Variants in LCK observed in about 807,000 individuals in gnomAD.
The protein encoded by LCK is tyrosine-protein kinase Lck.
In LCK, 14 loss-of-function variants were observed where a neutral mutation model predicts 64.6. The observed-to-expected ratio is 0.22, with a 90% CI of 0.14 to 0.34. The LOEUF (loss-of-function observed/expected upper bound fraction) is 0.34, where lower values mean the gene tolerates loss of function less well. LCK is among the 10% of genes least tolerant of loss of function. LCK has a pLI of 1.00. For synonymous variants in LCK, 277 were observed against 263.6 expected (o/e 1.05, Z -0.49); for missense variants, 434 against 668.1 (o/e 0.65, Z 3.86).
chr1:32,263,154 A>G (rs1639823729), intron 1 of LCK, among the ~76,000 whole-genome samples: 4 of 151,598 alleles, frequency 2.6e-5, no homozygotes, highest in African/African-American at 9.7e-5. Flanking sequence ...CACTTTGGGA[A>G]GCGGAGGTGG....
intron 1 of LCK, among the ~76,000 whole-genome samples, chr1:32,257,022 T>G (rs1003607180): frequency 6.6e-6 from 1 of 152,128 alleles, no homozygotes; most frequent in Non-Finnish European, 1.5e-5. Flanking sequence ...TGATCAATCA[T>G]TTTAGCCTGA....
At chr1:32,258,102 G>C (rs1461824240) in intron 1 of LCK, among the ~76,000 whole-genome samples, 1 of 151,798 alleles carries the variant, frequency 6.6e-6, no homozygotes, top group Non-Finnish European at 1.5e-5. Context: ...GGGGAACATA[G>C]GCAGACCCCG....
At chr1:32,252,600 C>A (rs1276876546) in intron 1 of LCK, among the ~76,000 whole-genome samples, 1 of 152,092 alleles carries the variant, frequency 6.6e-6, no homozygotes, top group African/African-American at 2.4e-5. Context: ...GGTCATTCAC[C>A]CTGGACAGGC....
chr1:32,270,547 AC>A, intron 1 of LCK, among the ~76,000 whole-genome samples: 1 of 148,248 alleles, frequency 6.7e-6, no homozygotes, highest in Non-Finnish European at 1.5e-5. Flanking sequence ...GGCGTGTGCC[AC>A]CATGCCTGGC....
intron 1 of LCK, among the ~76,000 whole-genome samples, chr1:32,256,957 C>T (rs1238722860): frequency 6.6e-6 from 1 of 152,086 alleles, no homozygotes; most frequent in African/African-American, 2.4e-5. Context: ...GTACATATAT[C>T]AAACGTGAAA....
At position 32,275,773 on chromosome 1, in the gene LCK, G is replaced by A. The variant is rs1478759649; in HGVS notation, c.481+101G>A. The A allele has an allele frequency of 8.6e-6, 12 of 1,402,226 alleles. 1 individual carries two copies. The East Asian group carries it at 1.2e-4, about 14-fold the overall frequency. 86.9% of individuals were successfully genotyped at this position (1,402,226 alleles called of 1,614,324 possible). A position where few individuals can be genotyped will look rare whatever the true frequency, so the allele number is the denominator to read the frequency against. The stretch of plus-strand genomic sequence containing the variant: ...AGGTGGAGACACGGGGTGAGTCGGA[G>A]GGGGACGCGGGATGAGCCCGAGGTG... On this transcript the variant is annotated intron_variant, in intron 6 of 12. Transcript: ENST00000336890. This position sits in a 1 kb window ranked among gnomAD's most constrained non-coding sequence, Gnocchi z 6.9.
intron 1 of LCK, among the ~76,000 whole-genome samples, chr1:32,263,355 T>C (rs1639828557): frequency 6.6e-6 from 1 of 151,744 alleles, no homozygotes; most frequent in African/African-American, 2.4e-5. Flanking sequence ...ATTGTGCCAC[T>C]GCACTCCAGC....
intron 9 of LCK, among the ~76,000 whole-genome samples, chr1:32,278,225 A>C (rs1281746083): frequency 1.3e-5 from 2 of 152,178 alleles, no homozygotes; most frequent in Admixed American, 1.3e-4. Context: ...GTAACTGATC[A>C]ATAAGTTTGT....
At chr1:32,266,683 C>T (rs1355537828) in intron 1 of LCK, among the ~76,000 whole-genome samples, 1 of 74,498 alleles carries the variant, frequency 1.3e-5, no homozygotes. Flanking sequence ...TCCCCCTCCC[C>T]TTCCCCCTCC....
At chr1:32,267,698 C>T (rs1639960921) in intron 1 of LCK, among the ~76,000 whole-genome samples, 1 of 149,338 alleles carries the variant, frequency 6.7e-6, no homozygotes. Flanking sequence ...GAGATTGAGA[C>T]CAGCCTGACC....
At chr1:32,270,640 G>A (rs1222761982) in intron 1 of LCK, among the ~76,000 whole-genome samples, 2 of 141,860 alleles carry the variant, frequency 1.4e-5, no homozygotes, top group African/African-American at 5.3e-5. Context: ...TGATCCACCC[G>A]CCTCAGCCTC....
chr1:32,255,671 C>T (rs1639612387), intron 1 of LCK, among the ~76,000 whole-genome samples: 1 of 152,126 alleles, frequency 6.6e-6, no homozygotes, highest in Admixed American at 6.6e-5. Flanking sequence ...AATGAAGTGA[C>T]CCACCAGAGG....
At position 32,276,626 on chromosome 1, in the gene LCK, G is replaced by C; in HGVS notation, c.804G>C (p.Thr268=). The C allele has an allele frequency of 6.2e-7, 1 of 1,612,624 alleles. No homozygotes were observed. Among genetic ancestry groups the C allele is most frequent in the Non-Finnish European group, 8.5e-7 (1 of 1,179,200 alleles). Reference sequence around the variant, plus strand: ...ACCCAGGGTACTACAACGGGCACACGAAGGTGGCGGTGAAGAGCCTGAAGC... The same window carrying C: ...ACCCAGGGTACTACAACGGGCACACCAAGGTGGCGGTGAAGAGCCTGAAGC... ...EVWMGYYNGH[T]KVAVKSLKQG... The change falls in exon 9 of 13, where the codon ACG becomes ACC. Residue 268 remains threonine, a synonymous_variant. Transcript: ENST00000336890. This position sits in a 1 kb window ranked among gnomAD's most constrained non-coding sequence, Gnocchi z 4.6.
intron 1 of LCK, among the ~76,000 whole-genome samples, chr1:32,255,465 G>A (rs1397826777): frequency 2.0e-5 from 3 of 152,182 alleles, no homozygotes; most frequent in African/African-American, 7.2e-5. Context: ...ATGTCTTTCC[G>A]TGTCAATACA....
rs778915733 is a variant in LCK at position 32,275,399 on chromosome 1, G to C, written c.357G>C (p.Ala119=). ...TCCCCTTCAATTTTGTGGCCAAAGC[G>C]AACAGCCTGGAGCCCGAACCGTAAG... ...GFIPFNFVAK[A]NSLEPEPWFF... is the part of the protein sequence containing the mutation. Residue 119 remains alanine, a synonymous_variant, in exon 5 of 13, where the codon GCG becomes GCC. Transcript: ENST00000336890. This position sits in a 1 kb window ranked among gnomAD's most constrained non-coding sequence, Gnocchi z 6.9. 7.4e-6 allele frequency: 12 copies of C among 1,614,144 alleles called. No individual in the cohort carries two copies. The highest frequency in any genetic ancestry group is 9.3e-6 in the Non-Finnish European group (11 of 1,180,010).
chr1:32,283,963 C>A (rs1308505366), intron 12 of LCK, among the ~76,000 whole-genome samples: 10 of 152,050 alleles, frequency 6.6e-5, no homozygotes, highest in Non-Finnish European at 1.5e-4. Context: ...TCACTGCAAC[C>A]TCTACCTCCT....
At position 32,251,421 on chromosome 1, in the gene LCK, TAGC is replaced by T. The variant is rs1203208206; in HGVS notation, c.-6+53_-6+55del. 2.0e-5 allele frequency: 3 copies of T among 153,682 alleles called. No individual in the cohort carries two copies. Among genetic ancestry groups the T allele is most frequent in the African/African-American group, 7.2e-5 (3 of 41,494 alleles). 9.5% of individuals were successfully genotyped at this position (153,682 alleles called of 1,614,324 possible). A position where few individuals can be genotyped will look rare whatever the true frequency, so the allele number is the denominator to read the frequency against. On this transcript the variant is annotated intron_variant, in intron 1 of 12. Transcript: ENST00000336890. This position sits in a 1 kb window ranked among gnomAD's most constrained non-coding sequence, Gnocchi z 4.0. ...GCAGGCGCCGGGGTGAGAGGCCTGA[TAGC>T]AGACGGCTGCAGCTGTGCGGGCCCA... is the stretch of plus-strand genomic sequence containing the variant.
Position 32,276,539 on chromosome 1 carries a change from G to T in LCK, c.784+50G>T, listed in dbSNP as rs764375875. On this transcript the variant is annotated intron_variant, in intron 8 of 12. Coordinates refer to ENST00000336890, the MANE Select transcript of LCK (RefSeq NM_005356.5). This position sits in a 1 kb window ranked among gnomAD's most constrained non-coding sequence, Gnocchi z 4.6. Reference sequence around the variant, plus strand: ...TGGGAAGAGGGGAACGGGAGGGGCCGCTGAGGTGATGAGAGTCCCAGGACA... The same window carrying T: ...TGGGAAGAGGGGAACGGGAGGGGCCTCTGAGGTGATGAGAGTCCCAGGACA... 1 of 1,586,144 alleles carries T rather than the reference G, an allele frequency of 6.3e-7. No homozygotes were observed. The highest frequency in any genetic ancestry group is 8.6e-7 in the Non-Finnish European group (1 of 1,163,686).
At position 32,275,717 on chromosome 1, in the gene LCK, T is replaced by C; in HGVS notation, c.481+45T>C. 1 of 1,502,058 alleles carries C rather than the reference T, an allele frequency of 6.7e-7. No homozygotes were observed. The highest frequency in any genetic ancestry group is 9.0e-7 in the Non-Finnish European group (1 of 1,113,462). 93.0% of individuals were successfully genotyped at this position (1,502,058 alleles called of 1,614,324 possible). A position where few individuals can be genotyped will look rare whatever the true frequency, so the allele number is the denominator to read the frequency against. ...GACCGGGCGCGGGGGTGCCCCGGGG[T>C]GTGCCCGAGGGGGGGCGCAGGGTGA... On this transcript the variant is annotated intron_variant, in intron 6 of 12. Coordinates refer to ENST00000336890, the MANE Select transcript of LCK (RefSeq NM_005356.5). This position sits in a 1 kb window ranked among gnomAD's most constrained non-coding sequence, Gnocchi z 6.9.
Sources: allele counts gnomAD v4.1 joint callset (sites outside exome capture counted in the v4.1 genomes callset), GRCh38; gene constraint gnomAD v4.1.1; non-coding constraint Gnocchi (gnomAD v3.1); transcripts MANE v1.5; gene names NCBI Gene and HGNC (gene_info 2026-07-23, HGNC 2026-07-21).